ATF7: variants seen among roughly 807,000 people sequenced by gnomAD.
ATF7 encodes cyclic AMP-dependent transcription factor ATF-7.
A neutral mutation model predicts 50.4 loss-of-function variants in ATF7; 10 were observed. The ratio of observed to expected loss-of-function variants is 0.20; its 90% confidence interval spans 0.12 to 0.34. The LOEUF is 0.34. Among genes scored for constraint, ATF7 ranks in the 10% least tolerant of loss-of-function variants. The pLI is 1.00. For missense variants in ATF7, 465 were observed against 613.9 expected (o/e 0.76, Z 2.56); for synonymous variants, 201 against 226.4 (o/e 0.89, Z 1.01).
At chr12:53,609,821 C>CTTTTATTTTT (rs1943777337) in intron 1 of ATF7, among the ~76,000 whole-genome samples, 1 of 115,960 alleles carries the variant, frequency 8.6e-6, no homozygotes, top group East Asian at 3.5e-4. Flanking sequence ...AAATGTTATG[C>CTTTTATTTTT]TTTTTTTTTT....
intron 1 of ATF7, among the ~76,000 whole-genome samples, chr12:53,619,486 C>CAA (rs112474373): frequency 0.022 from 1,419 of 63,960 alleles, 29 homozygotes; most frequent in South Asian, 0.078. Context: ...GACTCCGTGT[C>CAA]AAAAAAAAAA....
At chr12:53,530,810 T>C (rs1010774566) in intron 9 of ATF7, among the ~76,000 whole-genome samples, 1 of 152,070 alleles carries the variant, frequency 6.6e-6, no homozygotes, top group African/African-American at 2.4e-5. Flanking sequence ...GGTTTTGCCA[T>C]GTTGGCCAGG....
intron 9 of ATF7, among the ~76,000 whole-genome samples, chr12:53,528,624 A>G (rs1938642527): frequency 6.6e-6 from 1 of 152,090 alleles, no homozygotes; most frequent in African/African-American, 2.4e-5. Context: ...TTAGCTGGGC[A>G]TGATAGTGGT....
At chr12:53,564,168 C>T (rs774453958) in intron 2 of ATF7, among the ~76,000 whole-genome samples, 4 of 152,214 alleles carry the variant, frequency 2.6e-5, no homozygotes, top group East Asian at 3.9e-4. Flanking sequence ...TGAGGCTAGG[C>T]GTTTGAGACC....
intron 2 of ATF7, among the ~76,000 whole-genome samples, chr12:53,555,351 G>A (rs1055564917): frequency 6.6e-5 from 10 of 151,502 alleles, no homozygotes; most frequent in Non-Finnish European, 1.5e-4. Flanking sequence ...GTGAGGGTTT[G>A]GGGGAAGGAG....
At chr12:53,523,466 A>G in intron 10 of ATF7, 82 bp from the exon 11 acceptor site, 1 of 1,034,108 alleles carries the variant, frequency 9.7e-7, no homozygotes, top group Non-Finnish European at 1.5e-6. Flanking sequence ...CAAAGGAAGG[A>G]CAGAATATTG....
chr12:53,542,127 A>G (rs1392776776), intron 4 of ATF7, among the ~76,000 whole-genome samples: 1 of 53,660 alleles, frequency 1.9e-5, no homozygotes, highest in Admixed American at 2.4e-4. Flanking sequence ...TTTTTTTTTT[A>G]AGAGATAGGG....
chr12:53,615,111 C>T (rs1356571333), intron 1 of ATF7, among the ~76,000 whole-genome samples: 3 of 150,948 alleles, frequency 2.0e-5, no homozygotes, highest in East Asian at 2.0e-4. Context: ...GAGCTGGGTG[C>T]GGTGGCTCAC....
intron 2 of ATF7, among the ~76,000 whole-genome samples, chr12:53,593,484 T>C (rs1042772097): frequency 6.6e-6 from 1 of 152,198 alleles, no homozygotes; most frequent in Non-Finnish European, 1.5e-5. Context: ...TTGAGCAGAA[T>C]GTTGAAATTA....
intron 1 of ATF7, among the ~76,000 whole-genome samples, chr12:53,606,553 CG>C (rs752734978): frequency 4.6e-5 from 7 of 151,486 alleles, no homozygotes; most frequent in African/African-American, 9.7e-5. Context: ...TGGCCTGGCA[CG>C]TTTTTTTTTA....
chr12:53,564,493 C>A (rs1382911277), intron 2 of ATF7, among the ~76,000 whole-genome samples: 1 of 152,212 alleles, frequency 6.6e-6, no homozygotes, highest in African/African-American at 2.4e-5. Flanking sequence ...TTAACCACAT[C>A]CTTTTGAGCA....
intron 2 of ATF7, among the ~76,000 whole-genome samples, chr12:53,569,141 C>T (rs759335094): frequency 2.0e-5 from 3 of 151,964 alleles, no homozygotes; most frequent in East Asian, 1.9e-4. Flanking sequence ...CACTGCACTC[C>T]GGCCTGGGCG....
chr12:53,625,480 T>C (rs1236970242), intron 1 of ATF7, among the ~76,000 whole-genome samples: 2 of 152,190 alleles, frequency 1.3e-5, no homozygotes, highest in Admixed American at 6.5e-5. Context: ...ACACCTCTTA[T>C]CGCTCTCAAG....
chr12:53,621,580 G>A (rs373348221), intron 1 of ATF7, among the ~76,000 whole-genome samples: 95 of 151,646 alleles, frequency 6.3e-4, no homozygotes, highest in African/African-American at 2.1e-3. Flanking sequence ...TCAGGAGTTC[G>A]GGACCAGCCT....
chr12:53,545,672 A>G (rs1939856432), intron 3 of ATF7, among the ~76,000 whole-genome samples: 1 of 151,952 alleles, frequency 6.6e-6, no homozygotes, highest in Non-Finnish European at 1.5e-5. Flanking sequence ...TACTTTCTAT[A>G]TGTTTTGGTG....
chr12:53,539,730 G>GA lies in ATF7; in HGVS notation c.265-2179dup, dbSNP rs869276306. Among the ~76,000 whole-genome samples the GA allele has an allele frequency of 3.8e-5, 5 of 131,510 alleles. No homozygotes were observed. In the South Asian group the frequency reaches 1.2e-3, roughly 32 times the overall value. 86.3% of individuals were successfully genotyped at this position (131,510 alleles called of 152,430 possible). On this transcript the variant is annotated intron_variant, in intron 4 of 11. Coordinates refer to ENST00000420353, the MANE Select transcript of ATF7 (RefSeq NM_006856.3). ...TGAATGAATGAATGAATGAATGAATGAAAAAAAATGACAAAAAGACTGTGG... is the reference window on the plus strand; with the variant it reads ...TGAATGAATGAATGAATGAATGAATGAAAAAAAAATGACAAAAAGACTGTGG...
At chr12:53,522,052 G>A (rs11170573) in intron 11 of ATF7, among the ~76,000 whole-genome samples, 6,924 of 152,242 alleles carry the variant, frequency 0.045, 435 homozygotes, top group African/African-American at 0.14. Context: ...ATTGACCATA[G>A]GCAAATTATT....
intron 2 of ATF7, among the ~76,000 whole-genome samples, chr12:53,593,706 G>C (rs1219043271): frequency 6.6e-6 from 1 of 152,148 alleles, no homozygotes; most frequent in African/African-American, 2.4e-5. Context: ...TAAACATCCA[G>C]TTGTGAGTTT....
chr12:53,517,743 G>A, intron 11 of ATF7: 1 of 200,772 alleles, frequency 5.0e-6, no homozygotes, highest in Non-Finnish European at 1.0e-5. Context: ...AAAGTGCTGG[G>A]ATTATAGGCA....
Sources: allele counts gnomAD v4.1 joint callset (sites outside exome capture counted in the v4.1 genomes callset), GRCh38; gene constraint gnomAD v4.1.1; transcripts MANE v1.5; gene names NCBI Gene and HGNC (gene_info 2026-07-23, HGNC 2026-07-21).